HELQ: variants seen among roughly 807,000 people sequenced by gnomAD.
HELQ encodes the protein helicase POLQ-like.
HELQ carries 77 observed loss-of-function variants against 111.6 expected under a neutral mutation model. That is an observed-to-expected ratio of 0.69 (90% confidence interval 0.57 to 0.83). The LOEUF (loss-of-function observed/expected upper bound fraction) is 0.83, where lower values mean the gene tolerates loss of function less well. HELQ is among the 40% of genes least tolerant of loss of function. The pLI is 0.00. For missense variants in HELQ, 1,200 were observed against 1,288.5 expected, an observed-to-expected ratio of 0.93 and a Z score of 1.05; for synonymous variants, 438 against 454.7, an observed-to-expected ratio of 0.96 and a Z score of 0.47.
intron 17 of HELQ, among the ~76,000 whole-genome samples, chr4:83,409,495 A>C (rs1023031253): frequency 6.6e-6 from 1 of 152,050 alleles, no homozygotes; most frequent in Non-Finnish European, 1.5e-5. Context: ...CGGAGCTTGC[A>C]GTGAGCCAAG....
At chr4:83,423,212 C>T (rs956908268) in intron 14 of HELQ, among the ~76,000 whole-genome samples, 11 of 152,006 alleles carry the variant, frequency 7.2e-5, no homozygotes, top group Non-Finnish European at 1.6e-4. Context: ...GCAGGAGGAT[C>T]TCTTAAGTTC....
intron 15 of HELQ, among the ~76,000 whole-genome samples, chr4:83,420,988 T>C (rs984816369): frequency 2.0e-5 from 3 of 152,126 alleles, no homozygotes; most frequent in African/African-American, 7.2e-5. Context: ...TCTTATTTTT[T>C]GTAGAGATGG....
chr4:83,412,442 C>T (rs1014285320), intron 17 of HELQ, among the ~76,000 whole-genome samples: 2 of 152,164 alleles, frequency 1.3e-5, no homozygotes, highest in Admixed American at 1.3e-4. Context: ...GCACTTTAGA[C>T]CTCAGAAAAC....
intron 17 of HELQ, 141 bp from the exon 18 acceptor site, chr4:83,407,701 C>A: frequency 3.3e-6 from 2 of 606,684 alleles, no homozygotes; most frequent in Admixed American, 7.2e-5. Flanking sequence ...TGAAAAATGG[C>A]CACTTAAGAA....
At chr4:83,435,166 A>G (rs2109992710) in intron 9 of HELQ, among the ~76,000 whole-genome samples, 1 of 152,340 alleles carries the variant, frequency 6.6e-6, no homozygotes, top group East Asian at 1.9e-4. Context: ...TTCCCCTTCT[A>G]TAATAGGTGT....
chr4:83,448,584 C>T (rs535817391), intron 3 of HELQ, among the ~76,000 whole-genome samples, 199 bp downstream of exon 3: 8 of 151,198 alleles, frequency 5.3e-5, no homozygotes, highest in African/African-American at 1.7e-4. Context: ...GCAGGAGAAT[C>T]GCTTGAACCT....
At chr4:83,430,246 C>T (rs1374022482) in intron 11 of HELQ, among the ~76,000 whole-genome samples, 1 of 147,920 alleles carries the variant, frequency 6.8e-6, no homozygotes, top group Non-Finnish European at 1.5e-5. Flanking sequence ...GCACATTGTG[C>T]ACATGTACCC....
chr4:83,422,226 T>G (rs1483849829), intron 14 of HELQ, among the ~76,000 whole-genome samples: 1 of 151,780 alleles, frequency 6.6e-6, no homozygotes, highest in African/African-American at 2.4e-5. Context: ...CTCAAAAAAA[T>G]AAAAATAAAA....
Position 83,429,555 on chromosome 4 carries a change from A to T in HELQ, c.2487T>A (p.His829Gln), listed in dbSNP as rs1049037418. Residue 829 changes from histidine (H) to glutamine (Q), a missense_variant, in exon 12 of 18, where the codon CAT (histidine) becomes CAA (glutamine). Coordinates refer to ENST00000295488, the MANE Select transcript of HELQ (RefSeq NM_133636.5). ...KSEEEVQYNF[H>Q]ITKLGRASFK... ...ATGAAGCACGTCCCAACTTTGTAATATGAAAATTATATTGGACCTCTTCTT... is the reference window on the plus strand; with the variant it reads ...ATGAAGCACGTCCCAACTTTGTAATTTGAAAATTATATTGGACCTCTTCTT... 1 of 1,610,040 alleles carries T rather than the reference A, an allele frequency of 6.2e-7. No individual in the cohort carries two copies. Among genetic ancestry groups the T allele is most frequent in the African/African-American group, 1.3e-5 (1 of 74,802 alleles).
At chr4:83,418,264 G>A in intron 15 of HELQ, 58 bp from the exon 16 acceptor site, 1 of 1,014,598 alleles carries the variant, frequency 9.9e-7, no homozygotes, top group South Asian at 1.6e-5. Context: ...TCAAAGTTTG[G>A]TTTGTGTGAT....
chr4:83,432,032 T>A lies in HELQ; in HGVS notation c.2190+94A>T, dbSNP rs1313940818. The A allele has an allele frequency of 5.3e-6, 4 of 756,220 alleles. No homozygotes were observed. In the African/African-American group the frequency reaches 7.4e-5, roughly 14 times the overall value. 46.8% of individuals were successfully genotyped at this position (756,220 alleles called of 1,614,324 possible). ...AAAGAAAGCATCATTTAAAGAAAATTAATAATTAATTTTTAAAAGATGATT... is the reference window on the plus strand; with the variant it reads ...AAAGAAAGCATCATTTAAAGAAAATAAATAATTAATTTTTAAAAGATGATT... On this transcript the variant is annotated intron_variant, in intron 10 of 17. Transcript: ENST00000295488.
intron 7 of HELQ, among the ~76,000 whole-genome samples, chr4:83,440,907 G>C (rs1395190721): frequency 1.3e-5 from 2 of 152,178 alleles, no homozygotes; most frequent in African/African-American, 4.8e-5. Context: ...CACATCAGTT[G>C]AGTGAAAAAA....
intron 11 of HELQ, among the ~76,000 whole-genome samples, chr4:83,430,475 A>G (rs1015040957): frequency 6.6e-6 from 1 of 152,134 alleles, no homozygotes; most frequent in Non-Finnish European, 1.5e-5. Context: ...TACAATGGCA[A>G]TCATAAGGAA....
At chr4:83,415,133 T>G (rs190360856) in intron 17 of HELQ, among the ~76,000 whole-genome samples, 4 of 152,120 alleles carry the variant, frequency 2.6e-5, no homozygotes, top group Non-Finnish European at 5.9e-5. Context: ...AGAACCACAG[T>G]TGAGATCAAG....
At chr4:83,421,180 CT>C (rs1467251807) in intron 15 of HELQ, among the ~76,000 whole-genome samples, 3 of 152,146 alleles carry the variant, frequency 2.0e-5, no homozygotes, top group Non-Finnish European at 4.4e-5. Context: ...ATATAGGTAA[CT>C]TTCTAACCAA....
chr4:83,413,845 A>T (rs1739227992), intron 17 of HELQ, among the ~76,000 whole-genome samples: 1 of 152,222 alleles, frequency 6.6e-6, no homozygotes, highest in African/African-American at 2.4e-5. Context: ...AGTTGCCTCC[A>T]ATTATCAGCT....
At chr4:83,413,441 CTT>C (rs1017898444) in intron 17 of HELQ, among the ~76,000 whole-genome samples, 2 of 152,066 alleles carry the variant, frequency 1.3e-5, no homozygotes, top group Non-Finnish European at 2.9e-5. Context: ...ACAAAAAAGA[CTT>C]TGAGTTTTTC....
At chr4:83,443,416 C>A in intron 6 of HELQ, 101 bp downstream of exon 6, 1 of 547,720 alleles carries the variant, frequency 1.8e-6, no homozygotes. Context: ...TATGCCCCTT[C>A]ACTACTCTAC....
rs769929893 is a variant in HELQ, at chr4:83,453,284, G to C, written c.959C>G (p.Pro320Arg). The stretch of plus-strand genomic sequence containing the variant: ...GGCATAAAGGTCTCTCACTTTGCTG[G>C]GTAATGAATAAAAAGGACCAAGGTC... Reference protein sequence around the residue: ...SNDLGPFYSLPSKVRDLYAQF... With the variant: ...SNDLGPFYSLRSKVRDLYAQF... The change falls in exon 2 of 18, where the codon CCC becomes CGC. Residue 320 changes from proline to arginine, a missense_variant. Pro to Arg is a moderately radical substitution (Grantham distance 103). Coordinates refer to ENST00000295488, the MANE Select transcript of HELQ (RefSeq NM_133636.5). 7.4e-6 allele frequency: 12 copies of C among 1,613,436 alleles called. No individual in the cohort carries two copies. The South Asian group carries it at 9.9e-5, about 13-fold the overall frequency.
Sources: allele counts gnomAD v4.1 joint callset (sites outside exome capture counted in the v4.1 genomes callset), GRCh38; gene constraint gnomAD v4.1.1; transcripts MANE v1.5; gene names NCBI Gene and HGNC (gene_info 2026-07-23, HGNC 2026-07-21).